The following GPHN variants were observed in gnomAD, a reference collection of about 807,000 sequenced individuals.
GPHN encodes the protein gephyrin.
Under a neutral mutation model 95.5 loss-of-function variants are expected in GPHN, and 17 were observed. That is an observed-to-expected ratio of 0.18 (90% confidence interval 0.12 to 0.27). The LOEUF is 0.27. Among genes scored for constraint, GPHN ranks in the 10% least tolerant of loss-of-function variants. GPHN has a pLI of 1.00. For synonymous variants in GPHN, 320 were observed against 322.5 expected (o/e 0.99, Z 0.08); for missense variants, 660 against 978.1 (o/e 0.67, Z 4.34).
chr14:67,493,388 G>T, the GPHN span, among the ~76,000 whole-genome samples: 3 of 152,128 alleles, frequency 2.0e-5, no homozygotes, highest in Non-Finnish European at 4.4e-5. Flanking sequence ...AGTTTAGATT[G>T]TGCGGTCCAA....
the GPHN span, among the ~76,000 whole-genome samples, chr14:67,633,774 C>T: frequency 7.2e-5 from 11 of 152,312 alleles, no homozygotes; most frequent in African/African-American, 2.4e-5. Context: ...ACTCTGGGTT[C>T]GGAGGAATTG....
At chr14:67,642,798 T>TTTC in the GPHN span, among the ~76,000 whole-genome samples, 1 of 94,964 alleles carries the variant, frequency 1.1e-5, no homozygotes, top group Non-Finnish European at 2.1e-5. Context: ...ATTTTCTTTT[T>TTTC]TTTTTTTTTT....
intron 20 of GPHN, among the ~76,000 whole-genome samples, chr14:67,165,625 G>T (rs949999960): frequency 6.6e-6 from 1 of 152,150 alleles, no homozygotes; most frequent in Non-Finnish European, 1.5e-5. Flanking sequence ...AGGCCAAAAT[G>T]CCTTGAGTCA....
the GPHN span, among the ~76,000 whole-genome samples, chr14:67,404,237 C>A: frequency 6.6e-6 from 1 of 152,168 alleles, no homozygotes; most frequent in Non-Finnish European, 1.5e-5. Context: ...ACTGGCACAG[C>A]CTTCAAGGTC....
chr14:67,044,593 A>G (rs925511364), intron 10 of GPHN, among the ~76,000 whole-genome samples: 3 of 152,130 alleles, frequency 2.0e-5, no homozygotes, highest in Non-Finnish European at 2.9e-5. Context: ...GATGTAAACT[A>G]TACTTTATAA....
the GPHN span, among the ~76,000 whole-genome samples, chr14:67,300,919 T>C: frequency 1.3e-5 from 2 of 152,094 alleles, no homozygotes; most frequent in African/African-American, 2.4e-5. Flanking sequence ...CTCAAACTCC[T>C]GGGCTTAAGC....
the GPHN span, among the ~76,000 whole-genome samples, chr14:67,513,354 G>T: frequency 1.3e-5 from 2 of 152,174 alleles, no homozygotes; most frequent in African/African-American, 4.8e-5. Context: ...GTGCTTCTCT[G>T]GTGCAGTACC....
chr14:67,469,806 G>A, the GPHN span, among the ~76,000 whole-genome samples: 1 of 152,194 alleles, frequency 6.6e-6, no homozygotes, highest in Non-Finnish European at 1.5e-5. Context: ...GACTTTCAGT[G>A]TAACATCACT....
chr14:67,499,790 G>T, the GPHN span, among the ~76,000 whole-genome samples: 1 of 152,048 alleles, frequency 6.6e-6, no homozygotes, highest in Admixed American at 6.6e-5. Flanking sequence ...GTGGGGGAAA[G>T]GCAGCCTCAA....
chr14:67,067,756 A>T (rs1235575544), intron 11 of GPHN, among the ~76,000 whole-genome samples: 1 of 152,146 alleles, frequency 6.6e-6, no homozygotes, highest in Admixed American at 6.5e-5. Flanking sequence ...GGGACCTGCC[A>T]AGCCAGGCAT....
At chr14:67,279,488 A>C in the GPHN span, 1 of 1,583,982 alleles carries the variant, frequency 6.3e-7, no homozygotes, top group African/African-American at 1.4e-5. Context: ...TGTTTGATAC[A>C]GAGGAAGGAA....
At chr14:66,602,600 C>A (rs1360874929) in intron 1 of GPHN, among the ~76,000 whole-genome samples, 1 of 151,886 alleles carries the variant, frequency 6.6e-6, no homozygotes, top group African/African-American at 2.4e-5. Flanking sequence ...TTCATAAAAT[C>A]TGAAGTTAGG....
chr14:67,335,962 C>G, the GPHN span: 25,019 of 144,830 alleles, frequency 0.17, 2,532 homozygotes, highest in Non-Finnish European at 0.24. Context: ...TTGTTCTTTA[C>G]AGAGGGATAG....
the GPHN span, among the ~76,000 whole-genome samples, chr14:67,481,556 G>C: frequency 1.3e-5 from 2 of 152,216 alleles, no homozygotes; most frequent in Non-Finnish European, 2.9e-5. Context: ...ATTGGCTGAG[G>C]TGGCAGCTCC....
the GPHN span, among the ~76,000 whole-genome samples, chr14:67,236,254 T>A: frequency 7.7e-4 from 118 of 152,284 alleles, no homozygotes; most frequent in African/African-American, 2.8e-3. Flanking sequence ...CTCATGTCTA[T>A]TTTTTTAAAG....
the GPHN span, among the ~76,000 whole-genome samples, chr14:67,694,503 TATAC>T: frequency 6.8e-6 from 1 of 147,114 alleles, no homozygotes; most frequent in African/African-American, 2.5e-5. Flanking sequence ...TATATATATA[TATAC>T]ACACATATAT....
At chr14:67,343,233 C>A in the GPHN span, 3 of 563,506 alleles carry the variant, frequency 5.3e-6, no homozygotes, top group East Asian at 3.0e-5. Context: ...TATGGACACA[C>A]TTCTCTCTTT....
chr14:66,671,350 T>C (rs775653471), intron 1 of GPHN, among the ~76,000 whole-genome samples: 5 of 152,170 alleles, frequency 3.3e-5, no homozygotes, highest in Non-Finnish European at 7.4e-5. Context: ...TCAGTTTGCA[T>C]GAGGTCAAAA....
chr14:67,253,631 G>A, the GPHN span, among the ~76,000 whole-genome samples: 1 of 152,088 alleles, frequency 6.6e-6, no homozygotes, highest in Non-Finnish European at 1.5e-5. Flanking sequence ...GACTGCTTGA[G>A]CCCAGGAGTT....
Sources: allele counts gnomAD v4.1 joint callset (sites outside exome capture counted in the v4.1 genomes callset), GRCh38; gene constraint gnomAD v4.1.1; transcripts MANE v1.5; gene names NCBI Gene and HGNC (gene_info 2026-07-23, HGNC 2026-07-21).